Variants in PCSK2 observed in about 807,000 individuals in gnomAD.
The protein encoded by PCSK2 is neuroendocrine convertase 2.
Under a neutral mutation model 69.7 loss-of-function variants are expected in PCSK2, and 14 were observed. That is an observed-to-expected ratio of 0.20 (90% CI 0.13 to 0.31). The LOEUF (loss-of-function observed/expected upper bound fraction) is 0.31. Among genes scored for constraint, PCSK2 ranks in the 10% least tolerant of loss-of-function variants. PCSK2 has a pLI of 1.00. For synonymous variants in PCSK2, 307 were observed against 320.7 expected (o/e 0.96, Z 0.46); for missense variants, 544 against 842.5 (o/e 0.65, Z 4.39).
At chr20:17,421,268 T>C (rs2032120217) in intron 6 of PCSK2, among the ~76,000 whole-genome samples, 1 of 152,200 alleles carries the variant, frequency 6.6e-6, no homozygotes, top group Admixed American at 6.5e-5. Context: ...TGCTCACTTC[T>C]CCAGAAAGCA....
intron 2 of PCSK2, among the ~76,000 whole-genome samples, chr20:17,260,603 G>A (rs1987343051): frequency 6.6e-6 from 1 of 152,182 alleles, no homozygotes; most frequent in South Asian, 2.1e-4. Context: ...CTTCTCCTGA[G>A]TTATTATTGG....
intron 1 of PCSK2, among the ~76,000 whole-genome samples, chr20:17,231,147 G>T (rs952790275): frequency 6.6e-6 from 1 of 152,222 alleles, no homozygotes; most frequent in Non-Finnish European, 1.5e-5. Flanking sequence ...TATCCTAGGG[G>T]TTTCATTGTA....
intron 6 of PCSK2, among the ~76,000 whole-genome samples, chr20:17,419,715 A>G (rs1366855264): frequency 2.0e-5 from 3 of 152,198 alleles, no homozygotes; most frequent in Non-Finnish European, 4.4e-5. Flanking sequence ...ACGTTTTGTC[A>G]ATAATCTTGC....
intron 2 of PCSK2, among the ~76,000 whole-genome samples, chr20:17,294,173 C>G (rs1988799155): frequency 7.3e-6 from 1 of 137,662 alleles, no homozygotes; most frequent in Non-Finnish European, 1.5e-5. Context: ...GGCGCGATCT[C>G]GGCTCACTGC....
At position 17,263,056 on chromosome 20, in the gene PCSK2, G is replaced by A. The variant is rs78707233; in HGVS notation, c.282+2712G>A. ...GGGAGGGTGGTCTGAGCTGCTATTC[G>A]CTTTCAGGGCTTCATCTACTGAGGT... On this transcript the variant is annotated intron_variant, in intron 2 of 11. Coordinates refer to ENST00000262545, the MANE Select transcript of PCSK2 (RefSeq NM_002594.5). The A allele has an allele frequency of 3.4e-3, 2,436 of 716,670 alleles. 55 individuals are homozygous for A. The African/African-American group carries it at 0.043, about 13-fold the overall frequency. The allele number at this position is 716,670 out of a possible 1,614,324, so 44.4% of individuals were successfully genotyped here.
chr20:17,469,650 C>G (rs1049512595), intron 11 of PCSK2, among the ~76,000 whole-genome samples: 7 of 152,150 alleles, frequency 4.6e-5, no homozygotes, highest in African/African-American at 1.4e-4. Flanking sequence ...ATGACCTTGA[C>G]CTTAATCAGC....
At chr20:17,470,099 A>G (rs1174696624) in intron 11 of PCSK2, among the ~76,000 whole-genome samples, 3 of 152,162 alleles carry the variant, frequency 2.0e-5, no homozygotes, top group Non-Finnish European at 4.4e-5. Flanking sequence ...ACTCATCATA[A>G]CTAACTTTAC....
At chr20:17,307,021 T>A (rs926437859) in intron 2 of PCSK2, among the ~76,000 whole-genome samples, 1 of 152,336 alleles carries the variant, frequency 6.6e-6, no homozygotes, top group African/African-American at 2.4e-5. Context: ...TGTTAATGTC[T>A]TATCAGCCAA....
intron 10 of PCSK2, among the ~76,000 whole-genome samples, chr20:17,463,099 G>C (rs1167620921): frequency 2.2e-4 from 34 of 151,774 alleles, no homozygotes; most frequent in Non-Finnish European, 1.5e-5. Context: ...AAAGTGAAAA[G>C]TTCCTTGTTC....
At chr20:17,438,588 A>G (rs1278350374) in intron 8 of PCSK2, among the ~76,000 whole-genome samples, 3 of 152,198 alleles carry the variant, frequency 2.0e-5, no homozygotes, top group African/African-American at 7.2e-5. Flanking sequence ...ATCGAAATCT[A>G]TGACTACAAT....
chr20:17,427,673 T>C (rs2032276245), intron 6 of PCSK2, among the ~76,000 whole-genome samples: 1 of 152,232 alleles, frequency 6.6e-6, no homozygotes, highest in Non-Finnish European at 1.5e-5. Flanking sequence ...AAAGTTCTAT[T>C]GATCTGGACC....
Position 17,382,887 on chromosome 20 carries a change from G to T in PCSK2, c.543+13610G>T, listed in dbSNP as rs112054103. Among the ~76,000 whole-genome samples the T allele has an allele frequency of 1.3e-3, 196 of 152,208 alleles. 1 individual carries two copies. Among genetic ancestry groups the T allele is most frequent in the African/African-American group, 4.5e-3 (187 of 41,536 alleles). On this transcript the variant is annotated intron_variant, in intron 5 of 11. Coordinates refer to ENST00000262545, the MANE Select transcript of PCSK2 (RefSeq NM_002594.5). Reference sequence around the variant, plus strand: ...AATCCAGGATTCTCCCTAATTAAAGGCTTGGAAGACTGTCACACTAGCTCT... The same window carrying T: ...AATCCAGGATTCTCCCTAATTAAAGTCTTGGAAGACTGTCACACTAGCTCT...
At chr20:17,400,342 G>A (rs1026298851) in intron 5 of PCSK2, among the ~76,000 whole-genome samples, 1 of 152,160 alleles carries the variant, frequency 6.6e-6, no homozygotes, top group African/African-American at 2.4e-5. Context: ...GGTCTCTGGA[G>A]CCAGACTGCC....
chr20:17,227,344 C>G lies in PCSK2; in HGVS notation c.39C>G (p.Ala13=). The G allele has an allele frequency of 6.2e-7, 1 of 1,613,966 alleles. No individual in the cohort carries two copies. The highest frequency in any genetic ancestry group is 8.5e-7 in the Non-Finnish European group (1 of 1,179,984). ...GTGTCTCCCAGTGGAAGGCGGCCGC[C>G]GGGTTCCTCTTCTGTGTCATGGTTT... ...GGCVSQWKAA[A]GFLFCVMVFA... is the part of the protein sequence containing the mutation. Residue 13 remains alanine, a synonymous_variant, in exon 1 of 12, where the codon GCC becomes GCG. Coordinates refer to ENST00000262545, the MANE Select transcript of PCSK2 (RefSeq NM_002594.5).
chr20:17,252,531 T>G (rs1475124325), intron 1 of PCSK2, among the ~76,000 whole-genome samples: 1 of 152,172 alleles, frequency 6.6e-6, no homozygotes, highest in African/African-American at 2.4e-5. Flanking sequence ...ACAAAAACAT[T>G]TTATAAGTAA....
rs146391106 is a variant in PCSK2 at position 17,317,456 on chromosome 20, A to G, written c.283-40871A>G. ...ACTGGAGTGGGCATAATTTCCTGCCATTTCCCACTGTGCTGCCGCCAATTC... is the reference window on the plus strand; with the variant it reads ...ACTGGAGTGGGCATAATTTCCTGCCGTTTCCCACTGTGCTGCCGCCAATTC... On this transcript the variant is annotated intron_variant, in intron 2 of 11. Coordinates refer to ENST00000262545, the MANE Select transcript of PCSK2 (RefSeq NM_002594.5). 5.6e-3 allele frequency among the ~76,000 whole-genome samples: 852 copies of G among 152,224 alleles called. 8 individuals carry two copies. The highest frequency in any genetic ancestry group is 0.02 in the African/African-American group (813 of 41,532).
intron 5 of PCSK2, among the ~76,000 whole-genome samples, chr20:17,387,544 G>A (rs2031268524): frequency 6.6e-6 from 1 of 152,184 alleles, no homozygotes; most frequent in Admixed American, 6.5e-5. Flanking sequence ...TCCACAAACT[G>A]CTTGAGCATC....
chr20:17,432,927 A>T (rs1026629664), intron 7 of PCSK2, among the ~76,000 whole-genome samples: 70 of 152,204 alleles, frequency 4.6e-4, no homozygotes, highest in Admixed American at 4.6e-3. Flanking sequence ...AAAAAATCAG[A>T]TAACAACTCA....
intron 2 of PCSK2, among the ~76,000 whole-genome samples, chr20:17,283,882 C>A (rs979940573): frequency 1.3e-5 from 2 of 152,224 alleles, no homozygotes; most frequent in Non-Finnish European, 2.9e-5. Context: ...CTCCTCTACA[C>A]AAACCTCTCT....
Sources: allele counts gnomAD v4.1 joint callset (sites outside exome capture counted in the v4.1 genomes callset), GRCh38; gene constraint gnomAD v4.1.1; transcripts MANE v1.5; gene names NCBI Gene and HGNC (gene_info 2026-07-23, HGNC 2026-07-21).